The following CNBD1 variants were observed in gnomAD, a reference collection of about 807,000 sequenced individuals.
CNBD1 encodes the protein cyclic nucleotide binding domain containing 1.
CNBD1 carries 71 observed loss-of-function variants against 54.4 expected under a neutral mutation model. The ratio of observed to expected loss-of-function variants is 1.30; its 90% CI spans 1.08 to 1.59. The LOEUF (loss-of-function observed/expected upper bound fraction) is 1.59. Among genes scored for constraint, CNBD1 ranks in the 40% most tolerant of loss-of-function variants. The pLI is 0.00. For missense variants in CNBD1, 659 were observed against 518.0 expected (o/e 1.27, Z -2.64); for synonymous variants, 182 against 170.7 (o/e 1.07, Z -0.51).
At chr8:87,215,671 C>T (rs1814194808) in intron 5 of CNBD1, among the ~76,000 whole-genome samples, 1 of 151,480 alleles carries the variant, frequency 6.6e-6, no homozygotes, top group Non-Finnish European at 1.5e-5. Flanking sequence ...TGTATCTTTA[C>T]ATATAGTAAA....
intron 8 of CNBD1, among the ~76,000 whole-genome samples, chr8:87,337,265 C>T (rs1474089191): frequency 1.3e-5 from 2 of 152,158 alleles, no homozygotes; most frequent in Admixed American, 1.3e-4. Context: ...GAAACACACT[C>T]ATCTGGGCTG....
chr8:87,294,850 T>C (rs575186700), intron 8 of CNBD1, among the ~76,000 whole-genome samples: 44 of 152,184 alleles, frequency 2.9e-4, no homozygotes, highest in Non-Finnish European at 4.1e-4. Flanking sequence ...ATATTGATCA[T>C]CTAAAGGTAC....
intron 10 of CNBD1, among the ~76,000 whole-genome samples, chr8:87,365,050 T>C (rs541300303): frequency 6.6e-6 from 1 of 152,178 alleles, no homozygotes; most frequent in South Asian, 2.1e-4. Context: ...TTGTTTTAGG[T>C]CTTTGAGGGG....
At chr8:87,130,407 T>G (rs1285037890) in intron 4 of CNBD1, among the ~76,000 whole-genome samples, 1 of 152,172 alleles carries the variant, frequency 6.6e-6, no homozygotes, top group Non-Finnish European at 1.5e-5. Context: ...TGTATAATTT[T>G]CAGCCAAGTC....
chr8:87,137,858 T>C (rs960080593), intron 4 of CNBD1, among the ~76,000 whole-genome samples: 3 of 152,112 alleles, frequency 2.0e-5, no homozygotes, highest in Non-Finnish European at 4.4e-5. Context: ...GAAAACTACT[T>C]AGGACCTGTG....
At chr8:87,397,737 T>C (rs1563586643) in intron 2 of CNBD1, among the ~76,000 whole-genome samples, 3 of 152,034 alleles carry the variant, frequency 2.0e-5, no homozygotes, top group African/African-American at 7.2e-5. Flanking sequence ...AGTCTAGCTC[T>C]TTGTTCCCAC....
intron 4 of CNBD1, among the ~76,000 whole-genome samples, chr8:87,192,356 C>T (rs1038953946): frequency 6.6e-6 from 1 of 152,014 alleles, no homozygotes; most frequent in Admixed American, 6.6e-5. Flanking sequence ...ATCCAATAAA[C>T]CTGGAACATC....
chr8:87,381,101 C>T (rs534544573), intron 10 of CNBD1, among the ~76,000 whole-genome samples: 17 of 152,082 alleles, frequency 1.1e-4, no homozygotes, highest in Admixed American at 9.2e-4. Flanking sequence ...CAAAGGCAAC[C>T]TATAGAATGG....
At chr8:87,256,984 G>T (rs1376965226) in intron 6 of CNBD1, among the ~76,000 whole-genome samples, 1 of 151,978 alleles carries the variant, frequency 6.6e-6, no homozygotes, top group South Asian at 2.1e-4. Context: ...TTCTTTACCT[G>T]GTGAAAATAT....
chr8:87,401,197 T>A (rs1021613954), intron 2 of CNBD1, among the ~76,000 whole-genome samples: 1 of 152,038 alleles, frequency 6.6e-6, no homozygotes, highest in African/African-American at 2.4e-5. Flanking sequence ...ATTGGAAACC[T>A]ATTGAGGTTT....
At chr8:87,353,906 G>C (rs966867046) in intron 10 of CNBD1, 120 bp downstream of exon 10, 3 of 645,512 alleles carry the variant, frequency 4.6e-6, no homozygotes, top group African/African-American at 3.8e-5. Flanking sequence ...CACCTGCAAA[G>C]GATGGAGTAT....
chr8:87,243,822 A>G (rs1012042927), intron 6 of CNBD1, among the ~76,000 whole-genome samples: 7 of 152,224 alleles, frequency 4.6e-5, no homozygotes, highest in African/African-American at 1.7e-4. Flanking sequence ...AAACAAAAAT[A>G]CCATGAATCA....
chr8:87,154,582 G>C (rs887743274), intron 4 of CNBD1, among the ~76,000 whole-genome samples: 1 of 152,170 alleles, frequency 6.6e-6, no homozygotes, highest in African/African-American at 2.4e-5. Flanking sequence ...ATGCCTATTA[G>C]TGCAGTAAGG....
intron 1 of CNBD1, among the ~76,000 whole-genome samples, chr8:86,868,579 C>CT (rs397783406): frequency 6.6e-6 from 1 of 151,926 alleles, no homozygotes; most frequent in Non-Finnish European, 1.5e-5. Context: ...GATCTGCCCC[C>CT]CTCAGCCTCC....
At chr8:87,278,274 G>A (rs1282639744) in intron 6 of CNBD1, among the ~76,000 whole-genome samples, 3 of 151,580 alleles carry the variant, frequency 2.0e-5, no homozygotes, top group Non-Finnish European at 4.4e-5. Flanking sequence ...ATTTAGTCCT[G>A]CCTGAAGCAG....
At chr8:87,340,830 G>C (rs1460487407) in intron 8 of CNBD1, among the ~76,000 whole-genome samples, 4 of 151,584 alleles carry the variant, frequency 2.6e-5, no homozygotes, top group African/African-American at 7.3e-5. Flanking sequence ...TTCTTAGCTT[G>C]CTTATGATTA....
chr8:87,222,980 T>C (rs1039977401), intron 5 of CNBD1, among the ~76,000 whole-genome samples: 1 of 151,782 alleles, frequency 6.6e-6, no homozygotes, highest in African/African-American at 2.4e-5. Context: ...TTTTGATAAA[T>C]TACTTTTGCA....
intron 3 of CNBD1, among the ~76,000 whole-genome samples, chr8:86,922,196 C>T (rs1314442126): frequency 6.6e-6 from 1 of 151,964 alleles, no homozygotes; most frequent in African/African-American, 2.4e-5. Flanking sequence ...CTCTAATTGC[C>T]CAAGTTGGTA....
chr8:87,328,426 A>T (rs1328363141), intron 8 of CNBD1, among the ~76,000 whole-genome samples: 1 of 151,158 alleles, frequency 6.6e-6, no homozygotes, highest in Admixed American at 6.6e-5. Flanking sequence ...AATTTTTTTC[A>T]TAATTTATTG....
Sources: gnomAD v4.1 joint callset for allele counts (sites outside exome capture counted in the v4.1 genomes callset) on GRCh38, gnomAD v4.1.1 for gene constraint, MANE v1.5 for transcripts, NCBI Gene and HGNC (gene_info 2026-07-23, HGNC 2026-07-21) for gene names.